Variants in CEP128 observed in about 807,000 individuals in gnomAD.
The protein encoded by CEP128 is centrosomal protein 128kDa.
CEP128 carries 132 observed loss-of-function variants against 156.7 expected under a neutral mutation model. The observed-to-expected ratio is 0.84, with a 90% CI of 0.73 to 0.97. The LOEUF (loss-of-function observed/expected upper bound fraction) is 0.97. Among genes scored for constraint, CEP128 ranks in the 50% least tolerant of loss-of-function variants. The pLI, the probability that CEP128 is intolerant of heterozygous loss-of-function variation, is 0.00. For synonymous variants in CEP128, 469 were observed against 448.9 expected (o/e 1.04, Z -0.57); for missense variants, 1,252 against 1,281.9 (o/e 0.98, Z 0.36).
intron 20 of CEP128, among the ~76,000 whole-genome samples, chr14:80,568,224 T>C (rs72689058): frequency 0.13 from 20,406 of 152,170 alleles, 1,451 homozygotes; most frequent in South Asian, 0.22. Flanking sequence ...TCTCCTAGGC[T>C]TCTAGGTGAA....
At chr14:80,710,479 CTT>C (rs1897362565) in intron 19 of CEP128, among the ~76,000 whole-genome samples, 2 of 152,040 alleles carry the variant, frequency 1.3e-5, no homozygotes, top group Non-Finnish European at 2.9e-5. Context: ...ATAAGAGTAA[CTT>C]ATCAAATTCA....
intron 9 of CEP128, among the ~76,000 whole-genome samples, chr14:80,862,310 C>A (rs1427404792): frequency 6.6e-6 from 1 of 152,162 alleles, no homozygotes; most frequent in East Asian, 1.9e-4. Context: ...AAACTACTTA[C>A]AAAAATAGAC....
intron 2 of CEP128, among the ~76,000 whole-genome samples, chr14:80,924,447 G>C (rs2059719): frequency 0.15 from 22,802 of 152,188 alleles, 1,980 homozygotes; most frequent in Admixed American, 0.22. Flanking sequence ...AATGAAAGAT[G>C]AAAGTAAATA....
At chr14:80,912,224 A>T (rs1884275607) in intron 4 of CEP128, among the ~76,000 whole-genome samples, 1 of 152,102 alleles carries the variant, frequency 6.6e-6, no homozygotes, top group Non-Finnish European at 1.5e-5. Context: ...TCAAAAAAAA[A>T]AAAAACTACT....
chr14:80,540,115 T>C lies in CEP128; in HGVS notation c.2881-9229A>G, dbSNP rs1038432584. 4.6e-5 allele frequency among the ~76,000 whole-genome samples: 7 copies of C among 152,162 alleles called. No homozygotes were observed. In the East Asian group the frequency reaches 1.3e-3, roughly 29 times the overall value. ...TTTGTCCTGTTCCCTCAGAAGCATG[T>C]GATCTTTGTTAGACCCTTAGTAGTA... On this transcript the variant is annotated intron_variant, in intron 21 of 24. Transcript: ENST00000555265.
chr14:80,526,986 G>GC lies in CEP128; in HGVS notation c.2959-5_2959-4insG. ...TCTCAGATGAACTGCAGGAATCCTG[G>GC]AAAAAAAAAAAAGCAAAGGGTCTGA... On this transcript the variant is annotated splice_region_variant and splice_polypyrimidine_tract_variant and intron_variant, in intron 22 of 24. Transcript: ENST00000555265. The GC allele has an allele frequency of 9.9e-7, 1 of 1,014,192 alleles. No individual in the cohort carries two copies. The highest frequency in any genetic ancestry group is 1.4e-6 in the Non-Finnish European group (1 of 694,840). 62.8% of individuals were successfully genotyped at this position (1,014,192 alleles called of 1,614,324 possible). A position where few individuals can be genotyped will look rare whatever the true frequency, so the allele number is the denominator to read the frequency against.
At chr14:80,540,355 G>A (rs1056542362) in intron 21 of CEP128, among the ~76,000 whole-genome samples, 34 of 152,088 alleles carry the variant, frequency 2.2e-4, no homozygotes, top group African/African-American at 6.0e-4. Context: ...TGACACTTAC[G>A]GAAAATAGAA....
chr14:80,833,157 A>C (rs1885896584), intron 12 of CEP128, among the ~76,000 whole-genome samples: 1 of 151,992 alleles, frequency 6.6e-6, no homozygotes, highest in Non-Finnish European at 1.5e-5. Flanking sequence ...TATTTTATAA[A>C]TATATGTATT....
At chr14:80,590,107 A>G (rs1891985459) in intron 19 of CEP128, among the ~76,000 whole-genome samples, 1 of 152,166 alleles carries the variant, frequency 6.6e-6, no homozygotes, top group South Asian at 2.1e-4. Context: ...GATCACCTGC[A>G]GCATGGCTTA....
chr14:80,908,325 C>A (rs1359000229), intron 4 of CEP128, among the ~76,000 whole-genome samples: 1 of 152,072 alleles, frequency 6.6e-6, no homozygotes, highest in Non-Finnish European at 1.5e-5. Context: ...TTTAGTTATA[C>A]CTTTTTACCA....
At chr14:80,531,714 T>C (rs933756659) in intron 21 of CEP128, among the ~76,000 whole-genome samples, 3 of 152,220 alleles carry the variant, frequency 2.0e-5, no homozygotes, top group African/African-American at 7.2e-5. Flanking sequence ...CAATAAACCC[T>C]ATGGCTGACG....
intron 13 of CEP128, chr14:80,830,029 T>C (rs1035635620): frequency 8.0e-6 from 3 of 376,650 alleles, no homozygotes; most frequent in Admixed American, 4.4e-5. Flanking sequence ...TTTAGATCTA[T>C]CCAACATACT....
At position 80,865,289 on chromosome 14, in the gene CEP128, ATTGGGTG is replaced by A. The variant is rs1595518021; in HGVS notation, c.646-2423_646-2417del. On this transcript the variant is annotated intron_variant, in intron 8 of 24. Transcript: ENST00000555265. ...CTTTTTAAAAATTGAACAATATTCC[ATTGGGTG>A]TATATACGTGTGTATGTGTATTTCT... Among the ~76,000 whole-genome samples the A allele has an allele frequency of 2.6e-5, 4 of 152,308 alleles. No homozygotes were observed. The East Asian group carries it at 5.8e-4, about 22-fold the overall frequency.
At chr14:80,533,233 A>G (rs1889312176) in intron 21 of CEP128, among the ~76,000 whole-genome samples, 1 of 152,188 alleles carries the variant, frequency 6.6e-6, no homozygotes, top group Non-Finnish European at 1.5e-5. Context: ...AATACAAAGC[A>G]ATGCCCTGAT....
At chr14:80,610,817 A>C (rs1595085542) in intron 19 of CEP128, among the ~76,000 whole-genome samples, 1 of 152,158 alleles carries the variant, frequency 6.6e-6, no homozygotes, top group Admixed American at 6.5e-5. Flanking sequence ...TAAATAAATT[A>C]TATTCATACG....
intron 23 of CEP128, among the ~76,000 whole-genome samples, chr14:80,524,418 C>G (rs1888886407): frequency 6.6e-6 from 1 of 152,150 alleles, no homozygotes; most frequent in South Asian, 2.1e-4. Flanking sequence ...TTTCTCTTAT[C>G]TGAAGCATTT....
chr14:80,801,669 G>A (rs1470609513), intron 13 of CEP128, among the ~76,000 whole-genome samples: 1 of 151,954 alleles, frequency 6.6e-6, no homozygotes, highest in Non-Finnish European at 1.5e-5. Context: ...AGGACTTTAG[G>A]AGGTCGAGGC....
At chr14:80,586,109 G>T (rs1411875202) in intron 19 of CEP128, among the ~76,000 whole-genome samples, 3 of 151,338 alleles carry the variant, frequency 2.0e-5, no homozygotes, top group Non-Finnish European at 4.4e-5. Flanking sequence ...TCCTAGGGTT[G>T]CTTTTTTTTT....
chr14:80,711,496 C>T (rs1897406483), intron 19 of CEP128, among the ~76,000 whole-genome samples: 1 of 151,920 alleles, frequency 6.6e-6, no homozygotes, highest in African/African-American at 2.4e-5. Flanking sequence ...TTATTACTTG[C>T]AGTAGTAAAT....
Sources: allele counts gnomAD v4.1 joint callset (sites outside exome capture counted in the v4.1 genomes callset), GRCh38; gene constraint gnomAD v4.1.1; transcripts MANE v1.5; gene names NCBI Gene and HGNC (gene_info 2026-07-23, HGNC 2026-07-21).